FAF1: variants seen among roughly 807,000 people sequenced by gnomAD.
FAF1 encodes the protein Fas associated factor 1.
FAF1 carries 25 observed loss-of-function variants against 92.5 expected under a neutral mutation model. The observed-to-expected ratio is 0.27, with a 90% CI of 0.20 to 0.38. The LOEUF (loss-of-function observed/expected upper bound fraction) is 0.38. Among genes scored for constraint, FAF1 ranks in the 10% least tolerant of loss-of-function variants. The pLI is 1.00. For missense variants in FAF1, 636 were observed against 793.3 expected (o/e 0.80, Z 2.38); for synonymous variants, 234 against 273.2 (o/e 0.86, Z 1.42).
At chr1:50,612,527 C>T in intron 8 of FAF1, 3 of 975,964 alleles carry the variant, frequency 3.1e-6, no homozygotes, top group Non-Finnish European at 3.7e-6. Flanking sequence ...AGCCACTTGG[C>T]TCATGTCTAG....
At chr1:50,765,666 A>T (rs1469734073) in intron 4 of FAF1, among the ~76,000 whole-genome samples, 2 of 152,262 alleles carry the variant, frequency 1.3e-5, no homozygotes, top group Admixed American at 1.3e-4. Context: ...TTACTGAGCC[A>T]AATTACAGGC....
At chr1:50,637,075 G>A (rs1357577436) in intron 8 of FAF1, among the ~76,000 whole-genome samples, 2 of 151,836 alleles carry the variant, frequency 1.3e-5, no homozygotes, top group Admixed American at 6.6e-5. Flanking sequence ...ATATCACATT[G>A]TATTGAATAT....
At chr1:50,471,085 G>C (rs915138572) in intron 18 of FAF1, 1 of 152,172 alleles carries the variant, frequency 6.6e-6, no homozygotes, top group Non-Finnish European at 1.5e-5. Flanking sequence ...GCTGAAACAA[G>C]AGCGGTTGCA....
chr1:50,662,871 T>C (rs1569708438), intron 7 of FAF1, among the ~76,000 whole-genome samples: 1 of 150,706 alleles, frequency 6.6e-6, no homozygotes, highest in South Asian at 2.1e-4. Flanking sequence ...CGGCTAATTT[T>C]TTGTATTTTT....
chr1:50,938,110 A>G (rs1169424823), intron 1 of FAF1, among the ~76,000 whole-genome samples: 1 of 152,172 alleles, frequency 6.6e-6, no homozygotes, highest in Non-Finnish European at 1.5e-5. Flanking sequence ...TCTGACCACA[A>G]TGCCAACCAT....
intron 6 of FAF1, among the ~76,000 whole-genome samples, chr1:50,731,696 C>T (rs1431589378): frequency 1.3e-5 from 2 of 152,046 alleles, no homozygotes; most frequent in Non-Finnish European, 2.9e-5. Context: ...AATTGGTGGA[C>T]TTAAGACTAC....
chr1:50,899,471 A>G (rs938953202), intron 1 of FAF1, among the ~76,000 whole-genome samples: 3 of 151,996 alleles, frequency 2.0e-5, no homozygotes, highest in Non-Finnish European at 2.9e-5. Flanking sequence ...GTATTCCTTT[A>G]AATATATATA....
chr1:50,762,909 A>T (rs551116614), intron 4 of FAF1, among the ~76,000 whole-genome samples: 23 of 152,308 alleles, frequency 1.5e-4, no homozygotes, highest in Non-Finnish European at 3.2e-4. Flanking sequence ...GGCAACCTAC[A>T]AAATGGGAGA....
intron 2 of FAF1, among the ~76,000 whole-genome samples, chr1:50,802,964 G>A (rs2124594671): frequency 6.6e-6 from 1 of 152,268 alleles, no homozygotes; most frequent in Non-Finnish European, 1.5e-5. Flanking sequence ...AGAGTGTAGG[G>A]TGTTTGCTAT....
At chr1:50,603,939 C>A (rs552866495) in intron 8 of FAF1, among the ~76,000 whole-genome samples, 1 of 152,272 alleles carries the variant, frequency 6.6e-6, no homozygotes, top group South Asian at 2.1e-4. Context: ...GTGTTCTCTG[C>A]CTGGCCTTGC....
chr1:50,784,696 A>G (rs1661299167), intron 4 of FAF1, among the ~76,000 whole-genome samples: 2 of 152,192 alleles, frequency 1.3e-5, no homozygotes, highest in South Asian at 4.1e-4. Context: ...CCTAAATATC[A>G]TAAGTAACCA....
At chr1:50,695,948 C>CT (rs767839672) in intron 7 of FAF1, among the ~76,000 whole-genome samples, 3,323 of 129,340 alleles carry the variant, frequency 0.026, 58 homozygotes, top group South Asian at 0.087. Flanking sequence ...CGTGCTTGGC[C>CT]TTTTTTTTTT....
intron 15 of FAF1, among the ~76,000 whole-genome samples, chr1:50,522,817 G>A (rs1049360971): frequency 2.6e-5 from 4 of 152,136 alleles, no homozygotes; most frequent in Non-Finnish European, 4.4e-5. Context: ...GTGGCATTAA[G>A]TACAATCATA....
intron 2 of FAF1, among the ~76,000 whole-genome samples, chr1:50,837,307 C>T (rs762896915): frequency 6.6e-6 from 1 of 152,040 alleles, no homozygotes; most frequent in Non-Finnish European, 1.5e-5. Flanking sequence ...TTGGGGATCA[C>T]GCATTGTTGT....
At chr1:50,686,711 A>G (rs1433616713) in intron 7 of FAF1, among the ~76,000 whole-genome samples, 1 of 152,180 alleles carries the variant, frequency 6.6e-6, no homozygotes, top group Non-Finnish European at 1.5e-5. Context: ...TGTATCCAAC[A>G]TTACAAAGTC....
intron 2 of FAF1, among the ~76,000 whole-genome samples, chr1:50,820,838 TG>T (rs1644036688): frequency 6.6e-6 from 1 of 151,398 alleles, no homozygotes; most frequent in Non-Finnish European, 1.5e-5. Flanking sequence ...TTTTAATGGC[TG>T]AATAATAATG....
At chr1:50,865,591 A>G (rs1414217761) in intron 1 of FAF1, among the ~76,000 whole-genome samples, 1 of 138,484 alleles carries the variant, frequency 7.2e-6, no homozygotes, top group Non-Finnish European at 1.5e-5. Context: ...TGCAAGAACA[A>G]AAAACCAAAC....
chr1:50,717,677 T>C (rs761013681), intron 6 of FAF1, among the ~76,000 whole-genome samples: 1 of 152,142 alleles, frequency 6.6e-6, no homozygotes, highest in Non-Finnish European at 1.5e-5. Flanking sequence ...GAAAGCAATA[T>C]ACTTTTGTCA....
chr1:50,506,311 CACTGTCTGCTTTCCCCTTCCACAT>C (rs2149019301), intron 15 of FAF1, among the ~76,000 whole-genome samples: 1 of 152,304 alleles, frequency 6.6e-6, no homozygotes, highest in East Asian at 1.9e-4. Flanking sequence ...TTATCAGCTT[CACTGTCTGCTTTCCCCTTCCACAT>C]ACTCTACGCT....
Sources: gnomAD v4.1 joint callset for allele counts (sites outside exome capture counted in the v4.1 genomes callset) on GRCh38, gnomAD v4.1.1 for gene constraint, MANE v1.5 for transcripts, NCBI Gene and HGNC (gene_info 2026-07-23, HGNC 2026-07-21) for gene names.